Variants in INTS6 observed in about 807,000 individuals in gnomAD.
INTS6 encodes the protein DEAD box protein.
In INTS6, 16 loss-of-function variants were observed where a neutral mutation model predicts 104.9. The observed-to-expected ratio is 0.15, with a 90% confidence interval of 0.10 to 0.23. The LOEUF is 0.23. Among genes scored for constraint, INTS6 ranks in the 10% least tolerant of loss-of-function variants. INTS6 has a pLI of 1.00. For synonymous variants in INTS6, 324 were observed against 358.7 expected (o/e 0.90, Z 1.09); for missense variants, 584 against 1,062.8 (o/e 0.55, Z 6.26).
At chr13:51,426,155 A>G (rs1311238069) in intron 4 of INTS6, among the ~76,000 whole-genome samples, 1 of 152,134 alleles carries the variant, frequency 6.6e-6, no homozygotes, top group Non-Finnish European at 1.5e-5. Context: ...GATCATATAC[A>G]GCTCAAGATT....
intron 4 of INTS6, among the ~76,000 whole-genome samples, chr13:51,403,710 C>T (rs1956493448): frequency 6.6e-6 from 1 of 151,456 alleles, no homozygotes. Context: ...CATAATCATG[C>T]TTCCCACTTA....
intron 3 of INTS6, chr13:51,441,131 A>G (rs1952790119): frequency 1.3e-5 from 2 of 152,170 alleles, no homozygotes; most frequent in Admixed American, 6.5e-5. Context: ...ATGCTCAGAG[A>G]GATTAAGGGA....
At chr13:51,449,392 G>A in intron 3 of INTS6, 7 of 819,052 alleles carry the variant, frequency 8.5e-6, no homozygotes, top group Non-Finnish European at 1.0e-5. Context: ...GTTCTCTGGG[G>A]GCAGATATCA....
intron 5 of INTS6, among the ~76,000 whole-genome samples, chr13:51,390,356 GGA>G (rs1956223818): frequency 5.3e-5 from 8 of 151,438 alleles, no homozygotes; most frequent in Admixed American, 5.3e-4. Context: ...GAAGTAATAA[GGA>G]TATATTGATT....
At chr13:51,449,508 A>G (rs1952990986) in intron 3 of INTS6, 1 of 985,224 alleles carries the variant, frequency 1.0e-6, no homozygotes, top group Non-Finnish European at 1.2e-6. Flanking sequence ...TTAATAGGTA[A>G]TAGGAGGTGA....
At chr13:51,382,895 G>A (rs974267406) in intron 9 of INTS6, among the ~76,000 whole-genome samples, 1 of 152,028 alleles carries the variant, frequency 6.6e-6, no homozygotes, top group Admixed American at 6.6e-5. Flanking sequence ...TGGTCAACAT[G>A]GTGAAACCCT....
intron 9 of INTS6, 151 bp from the exon 10 acceptor site, chr13:51,382,274 T>G: frequency 2.1e-6 from 1 of 474,476 alleles, no homozygotes; most frequent in South Asian, 2.7e-5. Flanking sequence ...ATTTACGGTT[T>G]TGTCATTTTC....
intron 5 of INTS6, among the ~76,000 whole-genome samples, chr13:51,394,242 T>C (rs1956295344): frequency 6.6e-6 from 1 of 152,162 alleles, no homozygotes; most frequent in Non-Finnish European, 1.5e-5. Context: ...TTACCCTTTG[T>C]TAATTAAATT....
Position 51,452,328 on chromosome 13 carries a change from G to A in INTS6, c.111+87C>T, listed in dbSNP as rs12870576. ...CGGCAGCTCCCGCAGTCAGGTCCCC[G>A]ACACCCCCGCCCCGGCCGCCCTCCC... On this transcript the variant is annotated intron_variant, in intron 1 of 17. Coordinates refer to ENST00000311234, the MANE Select transcript of INTS6 (RefSeq NM_012141.3). The surrounding 1 kb of genome is among the most constrained non-coding windows in gnomAD (Gnocchi z 4.2). 7 of 1,228,372 alleles carry A rather than the reference G, an allele frequency of 5.7e-6. No individual in the cohort carries two copies. Among genetic ancestry groups the A allele is most frequent in the Admixed American group, 9.2e-5 (2 of 21,780 alleles). The allele number at this position is 1,228,372 out of a possible 1,614,324, so 76.1% of individuals were successfully genotyped here.
chr13:51,398,865 A>G (rs888754007), intron 4 of INTS6, among the ~76,000 whole-genome samples: 12 of 152,222 alleles, frequency 7.9e-5, no homozygotes, highest in Non-Finnish European at 2.9e-5. Flanking sequence ...TGAATAAACT[A>G]GAACTCTTAA....
At position 51,453,014 on chromosome 13, in the gene INTS6, T is replaced by C; in HGVS notation, c.-489A>G. On this transcript the variant is annotated 5_prime_UTR_variant, in exon 1 of 18. Coordinates refer to ENST00000311234, the MANE Select transcript of INTS6 (RefSeq NM_012141.3). ...GCACCCCGGCGGTGTCACCACTTTC[T>C]CAGCCCCTCTCGCTACTGAAGCGCT... is the stretch of plus-strand genomic sequence containing the variant. 1 of 1,012,026 alleles carries C rather than the reference T, an allele frequency of 9.9e-7. No homozygotes were observed. The highest frequency in any genetic ancestry group is 1.2e-6 in the Non-Finnish European group (1 of 846,414). 62.7% of individuals were successfully genotyped at this position (1,012,026 alleles called of 1,614,324 possible). A position where few individuals can be genotyped will look rare whatever the true frequency, so the allele number is the denominator to read the frequency against.
chr13:51,388,519 G>C (rs558383403), intron 6 of INTS6, among the ~76,000 whole-genome samples: 1 of 151,786 alleles, frequency 6.6e-6, no homozygotes, highest in East Asian at 1.9e-4. Context: ...TCAGCCTCCC[G>C]AGTAGCTGGG....
intron 3 of INTS6, chr13:51,437,170 A>G (rs1952706625): frequency 6.6e-6 from 1 of 152,234 alleles, no homozygotes; most frequent in African/African-American, 2.4e-5. Context: ...AGATGTAAAC[A>G]TATTTTCAAA....
chr13:51,399,957 G>T (rs1956406760), intron 4 of INTS6, among the ~76,000 whole-genome samples: 3 of 152,154 alleles, frequency 2.0e-5, no homozygotes, highest in Non-Finnish European at 1.5e-5. Context: ...TCTGTGGCCT[G>T]TTAAGGAATG....
At chr13:51,387,627 A>G (rs1956164870) in intron 6 of INTS6, 87 bp from the exon 7 acceptor site, 2 of 1,014,324 alleles carry the variant, frequency 2.0e-6, no homozygotes, top group South Asian at 2.5e-5. Context: ...TATTACTTAA[A>G]TTAATAAAAA....
chr13:51,363,796 T>A lies in INTS6; in HGVS notation c.*1956A>T, dbSNP rs1955631620. ...TGAGGTGAGAACAGTGGCAGAGAGA[T>A]AAAGGACAAAAAGAAGAGATGAACA... is the stretch of plus-strand genomic sequence containing the variant. On this transcript the variant is annotated 3_prime_UTR_variant, in exon 18 of 18. Coordinates refer to ENST00000311234, the MANE Select transcript of INTS6 (RefSeq NM_012141.3). 6.6e-6 allele frequency: 1 copy of A among 152,508 alleles called. No individual in the cohort carries two copies. Among genetic ancestry groups the A allele is most frequent in the Non-Finnish European group, 1.5e-5 (1 of 68,484 alleles). The allele number at this position is 152,508 out of a possible 1,614,324, so 9.4% of individuals were successfully genotyped here. A position where few individuals can be genotyped will look rare whatever the true frequency, so the allele number is the denominator to read the frequency against.
chr13:51,374,271 C>G lies in INTS6; in HGVS notation c.2041G>C (p.Gly681Arg), dbSNP rs368839852. The change falls in exon 15 of 18, where the codon GGA (glycine) becomes CGA (arginine). Residue 681 changes from glycine (G) to arginine (R), a missense_variant. By Grantham distance (125) the Gly-to-Arg change is moderately radical (BLOSUM62 -2). Transcript: ENST00000311234. ...PVVNNHIGGK[G>R]PPAPTTQAQP... ...GCTTGAGTTGTAGGTGCAGGTGGTC[C>G]TTTTCCCCCAATATGATTGTTTACA... 1.8e-5 allele frequency: 29 copies of G among 1,613,932 alleles called. No homozygotes were observed. Among genetic ancestry groups the G allele is most frequent in the Non-Finnish European group, 2.3e-5 (27 of 1,179,980 alleles).
chr13:51,395,590 T>C (rs1286309899), intron 4 of INTS6, 107 bp from the exon 5 acceptor site: 15 of 932,722 alleles, frequency 1.6e-5, no homozygotes, highest in Non-Finnish European at 3.1e-6. Flanking sequence ...TCCTATCACT[T>C]GAAAAACAAG....
At chr13:51,388,356 G>C (rs1444710704) in intron 6 of INTS6, among the ~76,000 whole-genome samples, 1 of 150,630 alleles carries the variant, frequency 6.6e-6, no homozygotes, top group Admixed American at 6.6e-5. Context: ...CTAAATCTTT[G>C]TGTGTGTGTG....
Sources: gnomAD v4.1 joint callset for allele counts (sites outside exome capture counted in the v4.1 genomes callset) on GRCh38, gnomAD v4.1.1 for gene constraint, Gnocchi (gnomAD v3.1) non-coding constraint, MANE v1.5 for transcripts, NCBI Gene and HGNC (gene_info 2026-07-23, HGNC 2026-07-21) for gene names.